Variants in AR observed in about 807,000 individuals in gnomAD.
AR encodes the protein androgen receptor.
In AR, 8 loss-of-function variants were observed where a neutral mutation model predicts 53.9. The ratio of observed to expected loss-of-function variants is 0.15; its 90% CI spans 0.09 to 0.27. AR has a LOEUF of 0.27. AR is among the 10% of genes least tolerant of loss of function. The pLI is 1.00. For missense variants in AR, 639 were observed against 742.5 expected, an observed-to-expected ratio of 0.86 and a Z score of 1.62; for synonymous variants, 359 against 316.4, an observed-to-expected ratio of 1.13 and a Z score of -1.43.
chrX:67,720,394 G>A (rs1314542492), intron 5 of AR, among the ~76,000 whole-genome samples: 1 of 109,253 alleles, frequency 9.2e-6, no homozygotes, highest in Non-Finnish European at 1.9e-5. Flanking sequence ...CTGCAGCAAT[G>A]TTAAAGGAAT....
chrX:67,590,887 A>G (rs1922798550), intron 1 of AR, among the ~76,000 whole-genome samples: 1 of 112,352 alleles, frequency 8.9e-6, no homozygotes, highest in African/African-American at 3.2e-5. Context: ...AATAAAGAGT[A>G]AAATGCAAAT....
chrX:67,629,359 G>A (rs1442929245), intron 1 of AR, among the ~76,000 whole-genome samples: 4 of 109,404 alleles, frequency 3.7e-5, no homozygotes, highest in African/African-American at 1.3e-4. Flanking sequence ...TCCTGGTTTA[G>A]TCTTGGGAGG....
At chrX:67,582,381 C>T (rs1036627366) in intron 1 of AR, among the ~76,000 whole-genome samples, 1 of 111,758 alleles carries the variant, frequency 8.9e-6, no homozygotes, top group Non-Finnish European at 1.9e-5. Flanking sequence ...TTGGCATCTC[C>T]AGAGCCCTGG....
chrX:67,647,463 T>C (rs745991548), intron 2 of AR, among the ~76,000 whole-genome samples: 2 of 111,702 alleles, frequency 1.8e-5, no homozygotes, highest in South Asian at 7.4e-4. Flanking sequence ...TAGTTTGGAG[T>C]CTAGCAGAGA....
intron 1 of AR, among the ~76,000 whole-genome samples, chrX:67,559,106 C>T (rs1190519681): frequency 8.9e-6 from 1 of 112,116 alleles, no homozygotes; most frequent in African/African-American, 3.2e-5. Context: ...AACTCATATC[C>T]TTAATATGCA....
intron 2 of AR, among the ~76,000 whole-genome samples, chrX:67,649,937 A>G (rs1024425244): frequency 8.9e-6 from 1 of 111,924 alleles, no homozygotes; most frequent in African/African-American, 3.3e-5. Flanking sequence ...TGTTTTAGCC[A>G]TGAAGACTTT....
rs772463192 is a variant in AR at position 67,660,147 on chromosome X, C to T, written c.1768+16740C>T. 1.2e-4 allele frequency among the ~76,000 whole-genome samples: 13 copies of T among 111,790 alleles called. No homozygotes were observed. The South Asian group carries it at 4.5e-3, about 39-fold the overall frequency. ...CAGATGAGTAGATTGCAAAAGTTTT[C>T]TCCCATTCTGTAGGTTGCCTGTTCA... On this transcript the variant is annotated intron_variant, in intron 2 of 7. Transcript: ENST00000374690.
chrX:67,586,768 T>C (rs1922566565), intron 1 of AR, among the ~76,000 whole-genome samples: 1 of 112,039 alleles, frequency 8.9e-6, no homozygotes, highest in Admixed American at 9.5e-5. Flanking sequence ...GAGTTCAGTG[T>C]AAGAGTGGCC....
intron 1 of AR, among the ~76,000 whole-genome samples, chrX:67,641,765 T>C (rs1250286556): frequency 3.6e-5 from 4 of 111,469 alleles, no homozygotes; most frequent in African/African-American, 9.8e-5. Flanking sequence ...ATTTGTGTCT[T>C]GCTGGTAAAG....
intron 3 of AR, among the ~76,000 whole-genome samples, chrX:67,706,601 C>T (rs1398620366): frequency 9.0e-6 from 1 of 111,229 alleles, no homozygotes; most frequent in East Asian, 2.8e-4. Context: ...AAAACCAGCT[C>T]CTGGATTCAT....
intron 1 of AR, among the ~76,000 whole-genome samples, chrX:67,625,003 T>A (rs1415850033): frequency 3.9e-5 from 4 of 103,347 alleles, no homozygotes; most frequent in African/African-American, 1.1e-4. Context: ...GATGACATGA[T>A]CTTATACAAA....
chrX:67,679,211 T>A (rs1487135500), intron 2 of AR, among the ~76,000 whole-genome samples: 1 of 111,427 alleles, frequency 9.0e-6, no homozygotes, highest in Non-Finnish European at 1.9e-5. Context: ...TCTAAGGCCT[T>A]AAGTATTAAA....
At chrX:67,684,431 C>G (rs1046696769) in intron 2 of AR, among the ~76,000 whole-genome samples, 1 of 111,290 alleles carries the variant, frequency 9.0e-6, no homozygotes, top group Middle Eastern at 4.2e-3. Flanking sequence ...ATAGTAGGCA[C>G]CCAATAAATA....
intron 2 of AR, among the ~76,000 whole-genome samples, chrX:67,645,119 C>T (rs1925992275): frequency 9.0e-6 from 1 of 111,614 alleles, no homozygotes; most frequent in African/African-American, 3.3e-5. Context: ...CCAGGCACTG[C>T]ACCACAGTAA....
chrX:67,711,860 G>A (rs1242166117), intron 4 of AR, among the ~76,000 whole-genome samples, 171 bp downstream of exon 4: 5 of 111,980 alleles, frequency 4.5e-5, no homozygotes, highest in African/African-American at 6.5e-5. Flanking sequence ...TACAGGGATC[G>A]AAACTCAGAA....
At chrX:67,567,918 G>A (rs1921625270) in intron 1 of AR, among the ~76,000 whole-genome samples, 1 of 111,674 alleles carries the variant, frequency 9.0e-6, no homozygotes, top group African/African-American at 3.2e-5. Context: ...GTGCATGTGT[G>A]GTGTAAGGGG....
chrX:67,709,357 G>A (rs867821801), intron 3 of AR, among the ~76,000 whole-genome samples: 2 of 111,951 alleles, frequency 1.8e-5, no homozygotes, highest in African/African-American at 3.2e-5. Context: ...CCCTCCCCCA[G>A]CCTCACTGCT....
At chrX:67,688,272 A>G (rs1375390758) in intron 3 of AR, among the ~76,000 whole-genome samples, 1 of 111,728 alleles carries the variant, frequency 9.0e-6, no homozygotes, top group Admixed American at 9.5e-5. Context: ...CCTTGCCTTT[A>G]GAGTCAGGCA....
At chrX:67,627,481 T>C (rs1378261388) in intron 1 of AR, among the ~76,000 whole-genome samples, 1 of 111,515 alleles carries the variant, frequency 9.0e-6, no homozygotes, top group Non-Finnish European at 1.9e-5. Flanking sequence ...TGGGGTCGTT[T>C]GTTTTTTTCT....
Sources: gnomAD v4.1 joint callset for allele counts (sites outside exome capture counted in the v4.1 genomes callset) on GRCh38, gnomAD v4.1.1 for gene constraint, MANE v1.5 for transcripts, NCBI Gene and HGNC (gene_info 2026-07-23, HGNC 2026-07-21) for gene names.